The following DNAH7 variants were observed in gnomAD, a reference collection of about 807,000 sequenced individuals.
DNAH7 encodes axonemal beta dynein heavy chain 7.
Under a neutral mutation model 444.6 loss-of-function variants are expected in DNAH7, and 397 were observed. The ratio of observed to expected loss-of-function variants is 0.89; its 90% confidence interval spans 0.82 to 0.97. The LOEUF is 0.97. Among genes scored for constraint, DNAH7 ranks in the 50% least tolerant of loss-of-function variants. DNAH7 has a pLI of 0.00. For missense variants in DNAH7, 4,902 were observed against 4,800.8 expected, an observed-to-expected ratio of 1.02 and a Z score of -0.62; for synonymous variants, 1,636 against 1,624.4, an observed-to-expected ratio of 1.01 and a Z score of -0.17.
At chr2:195,744,238 C>T (rs1009910636) in intron 63 of DNAH7, among the ~76,000 whole-genome samples, 5 of 152,244 alleles carry the variant, frequency 3.3e-5, no homozygotes, top group South Asian at 2.1e-4. Flanking sequence ...GAGGGGCCTA[C>T]GCCCACGGAG....
chr2:195,942,503 C>T (rs1689525470), intron 19 of DNAH7, among the ~76,000 whole-genome samples: 1 of 151,824 alleles, frequency 6.6e-6, no homozygotes, highest in African/African-American at 2.4e-5. Flanking sequence ...AGGAGATAGC[C>T]AGTGTGGCTG....
In DNAH7 at chr2:195,744,783, C is replaced by T. The variant is rs565602233; in HGVS notation, c.11765-3914G>A. ...CCTCTAGCAAACTCCAACAGACCTGCAGCTGAGGGTCCTGTCTGTTAGAAG... is the reference window on the plus strand; with the variant it reads ...CCTCTAGCAAACTCCAACAGACCTGTAGCTGAGGGTCCTGTCTGTTAGAAG... On this transcript the variant is annotated intron_variant, in intron 63 of 64. Transcript: ENST00000312428. Among the ~76,000 whole-genome samples the T allele has an allele frequency of 1.2e-3, 179 of 152,352 alleles. No homozygotes were observed. In the Middle Eastern group the frequency reaches 0.017, roughly 14 times the overall value.
intron 36 of DNAH7, among the ~76,000 whole-genome samples, chr2:195,879,700 T>A (rs1394876030): frequency 2.0e-5 from 3 of 152,178 alleles, no homozygotes; most frequent in African/African-American, 7.2e-5. Flanking sequence ...TTATTCAATT[T>A]AATGATCAAA....
chr2:195,822,112 C>T (rs1014517273), intron 49 of DNAH7, among the ~76,000 whole-genome samples: 1 of 152,124 alleles, frequency 6.6e-6, no homozygotes, highest in Non-Finnish European at 1.5e-5. Context: ...TAAAATTGAG[C>T]AATTTGGAAA....
chr2:195,865,136 A>C, intron 40 of DNAH7, 115 bp from the exon 41 acceptor site: 1 of 988,294 alleles, frequency 1.0e-6, no homozygotes, highest in Non-Finnish European at 1.4e-6. Context: ...TGCAGGTTTT[A>C]TTAAAAGTAT....
intron 44 of DNAH7, among the ~76,000 whole-genome samples, chr2:195,856,385 C>G (rs1189465516): frequency 6.6e-6 from 1 of 151,968 alleles, no homozygotes; most frequent in African/African-American, 2.4e-5. Flanking sequence ...ATACATCAAC[C>G]AAAAACAGTT....
intron 49 of DNAH7, 112 bp downstream of exon 49, chr2:195,824,143 A>G: frequency 9.8e-7 from 1 of 1,022,280 alleles, no homozygotes; most frequent in South Asian, 2.4e-5. Context: ...AAATACCAAA[A>G]TAAGGCAAAA....
At chr2:195,738,799 T>A (rs1044465857) in intron 64 of DNAH7, among the ~76,000 whole-genome samples, 12 of 152,326 alleles carry the variant, frequency 7.9e-5, no homozygotes, top group African/African-American at 2.9e-4. Context: ...TTTATTTTTC[T>A]GGAGTGGAAG....
chr2:196,059,428 C>A (rs1698014228), intron 1 of DNAH7, among the ~76,000 whole-genome samples: 1 of 152,224 alleles, frequency 6.6e-6, no homozygotes, highest in South Asian at 2.1e-4. Context: ...TGCCTCAGCT[C>A]CAAATCTGCC....
chr2:196,039,635 T>C (rs1179037043), intron 5 of DNAH7, among the ~76,000 whole-genome samples: 1 of 151,766 alleles, frequency 6.6e-6, no homozygotes, highest in Non-Finnish European at 1.5e-5. Context: ...CTGTCTCTGC[T>C]AAAAATAGAA....
Position 195,855,982 on chromosome 2 carries a change from T to C in DNAH7, c.8424A>G (p.Lys2808=). 6.2e-7 allele frequency: 1 copy of C among 1,608,960 alleles called. No homozygotes were observed. Among genetic ancestry groups the C allele is most frequent in the Non-Finnish European group, 8.5e-7 (1 of 1,178,244 alleles). The part of the protein sequence containing the change: ...IAMDSYDKVA[K]IVAPKKIKLA... ...GTTTTATCTTTTTGGGAGCTACTATTTTTGCCACTCTGCAAAAAGTAAAAT... is the reference window on the plus strand; with the variant it reads ...GTTTTATCTTTTTGGGAGCTACTATCTTTGCCACTCTGCAAAAAGTAAAAT... Residue 2808 remains lysine, a synonymous_variant, in exon 45 of 65, where the codon AAA becomes AAG. Transcript: ENST00000312428.
At chr2:195,827,167 G>T (rs1161791424) in intron 48 of DNAH7, among the ~76,000 whole-genome samples, 3 of 152,162 alleles carry the variant, frequency 2.0e-5, no homozygotes, top group African/African-American at 2.4e-5. Context: ...TGAGTGGATG[G>T]CAGGAACAAC....
At position 195,861,894 on chromosome 2, in the gene DNAH7, A is replaced by T; in HGVS notation, c.7559T>A (p.Ile2520Asn). Residue 2520 changes from isoleucine (I) to asparagine (N), a missense_variant, in exon 42 of 65, where the codon ATT becomes AAT. Coordinates refer to ENST00000312428, the MANE Select transcript of DNAH7 (RefSeq NM_018897.3). ...QAVASRFLEEIEMSEEIRDGC... is the reference protein window; with the variant it reads ...QAVASRFLEENEMSEEIRDGC... Reference sequence around the variant, plus strand: ...ATCTCGTATTTCCTCTGACATTTCAATTTCTTCCAAGAATCGTGAGGCAAC... The same window carrying T: ...ATCTCGTATTTCCTCTGACATTTCATTTTCTTCCAAGAATCGTGAGGCAAC... The T allele has an allele frequency of 6.2e-7, 1 of 1,613,958 alleles. No homozygotes were observed. Among genetic ancestry groups the T allele is most frequent in the Non-Finnish European group, 8.5e-7 (1 of 1,179,896 alleles).
rs749199339 is a variant in DNAH7 at position 195,881,822 on chromosome 2, T to C, written c.5934A>G (p.Thr1978=). 1 of 1,614,048 alleles carries C rather than the reference T, an allele frequency of 6.2e-7. No homozygotes were observed. Among genetic ancestry groups the C allele is most frequent in the Admixed American group, 1.7e-5 (1 of 60,032 alleles). Residue 1978 remains threonine (T), a synonymous_variant, in exon 36 of 65, where the codon ACA becomes ACG. Transcript: ENST00000312428. ...TAATGTAAACACTTTTCCCAGTTCC[T>C]GTTGGTCCTACAAATATTGAAGGCT... The part of the protein sequence containing the change: ...HQKPSIFVGP[T]GTGKSVYITN...
intron 47 of DNAH7, among the ~76,000 whole-genome samples, chr2:195,838,894 T>C (rs1044073723): frequency 1.3e-5 from 2 of 151,864 alleles, no homozygotes; most frequent in Non-Finnish European, 2.9e-5. Context: ...CATAATAGTC[T>C]TTAATGTGTA....
chr2:195,849,643 C>A (rs1699229426), intron 46 of DNAH7, among the ~76,000 whole-genome samples: 1 of 151,818 alleles, frequency 6.6e-6, no homozygotes, highest in South Asian at 2.1e-4. Flanking sequence ...ACTCTGTCAC[C>A]CAGGCTGGAG....
At chr2:196,068,587 CGCGGAGTCACA>C in intron 1 of DNAH7, 99 bp downstream of exon 1, 1 of 1,428,448 alleles carries the variant, frequency 7.0e-7, no homozygotes, top group Non-Finnish European at 9.5e-7. Context: ...AGCTGTACAC[CGCGGAGTCACA>C]GCTGGGGAGT....
chr2:195,871,342 A>G (rs1179221778), intron 40 of DNAH7, among the ~76,000 whole-genome samples: 1 of 152,174 alleles, frequency 6.6e-6, no homozygotes, highest in Non-Finnish European at 1.5e-5. Context: ...TCTATCACCC[A>G]GGCTGAAGCG....
intron 40 of DNAH7, among the ~76,000 whole-genome samples, 158 bp downstream of exon 40, chr2:195,872,092 A>G (rs553551577): frequency 1.3e-5 from 2 of 152,248 alleles, no homozygotes; most frequent in South Asian, 2.1e-4. Context: ...TCTCAGTGTT[A>G]AATATTTTTA....
Sources: gnomAD v4.1 joint callset for allele counts (sites outside exome capture counted in the v4.1 genomes callset) on GRCh38, gnomAD v4.1.1 for gene constraint, MANE v1.5 for transcripts, NCBI Gene and HGNC (gene_info 2026-07-23, HGNC 2026-07-21) for gene names.